CSMD1: variants seen among roughly 807,000 people sequenced by gnomAD.
CSMD1 encodes the protein CUB and sushi domain-containing protein 1.
Under a neutral mutation model 417.5 loss-of-function variants are expected in CSMD1, and 213 were observed. The observed-to-expected ratio is 0.51, with a 90% CI of 0.46 to 0.57. The LOEUF (loss-of-function observed/expected upper bound fraction) is 0.57, where lower values mean the gene tolerates loss of function less well. Ranked by LOEUF, CSMD1 falls within the 20% of genes least tolerant of loss-of-function variation. The probability of loss-of-function intolerance (pLI) is 0.00; values close to 1 mark genes in which losing one functional copy is unlikely to be tolerated. For missense variants in CSMD1, 6,923 were observed against 4,529.7 expected, an observed-to-expected ratio of 1.53 and a Z score of -15.17; for synonymous variants, 2,862 against 1,736.8, an observed-to-expected ratio of 1.65 and a Z score of -16.11.
chr8:4,461,973 C>A (rs1313091192), intron 2 of CSMD1, among the ~76,000 whole-genome samples: 2 of 151,974 alleles, frequency 1.3e-5, no homozygotes, highest in Admixed American at 1.3e-4. Flanking sequence ...TATCTCCCGA[C>A]CTCCTGATCC....
At chr8:4,015,817 T>G (rs902017363) in intron 4 of CSMD1, among the ~76,000 whole-genome samples, 2 of 152,180 alleles carry the variant, frequency 1.3e-5, no homozygotes, top group African/African-American at 4.8e-5. Context: ...CTTCATTCAC[T>G]AAGCAAGCGG....
chr8:4,924,385 A>G (rs983217112), intron 1 of CSMD1, among the ~76,000 whole-genome samples: 3 of 152,244 alleles, frequency 2.0e-5, no homozygotes, highest in African/African-American at 7.2e-5. Flanking sequence ...ATTAAAAACC[A>G]TCTATATGAT....
chr8:4,916,662 G>T (rs1043381177), intron 1 of CSMD1, among the ~76,000 whole-genome samples: 2 of 152,190 alleles, frequency 1.3e-5, no homozygotes, highest in Admixed American at 1.3e-4. Flanking sequence ...TACACAAAGA[G>T]TCTAGGCATT....
intron 1 of CSMD1, among the ~76,000 whole-genome samples, chr8:4,646,308 A>G (rs958803037): frequency 2.0e-5 from 3 of 152,176 alleles, no homozygotes; most frequent in Admixed American, 2.0e-4. Flanking sequence ...CCCAGTGATG[A>G]CACTTCATCT....
intron 3 of CSMD1, among the ~76,000 whole-genome samples, chr8:4,244,863 C>T (rs1249719118): frequency 6.6e-6 from 1 of 151,920 alleles, no homozygotes; most frequent in African/African-American, 2.4e-5. Context: ...TAACAAGATC[C>T]CCTAGGGATA....
At chr8:4,066,966 A>T (rs1488054528) in intron 3 of CSMD1, among the ~76,000 whole-genome samples, 2 of 152,252 alleles carry the variant, frequency 1.3e-5, no homozygotes, top group Non-Finnish European at 1.5e-5. Flanking sequence ...GGTGGAACCT[A>T]ATGAGTATAT....
chr8:3,438,784 A>T (rs1036558439), intron 12 of CSMD1, among the ~76,000 whole-genome samples: 14 of 152,026 alleles, frequency 9.2e-5, no homozygotes, highest in African/African-American at 3.4e-4. Flanking sequence ...TGGAAGTGCA[A>T]TTGTCGGGTC....
At chr8:4,219,811 A>G (rs896026566) in intron 3 of CSMD1, among the ~76,000 whole-genome samples, 7 of 152,214 alleles carry the variant, frequency 4.6e-5, no homozygotes, top group Non-Finnish European at 8.8e-5. Flanking sequence ...TGTCTTACTT[A>G]GTAGAGCTAA....
intron 20 of CSMD1, among the ~76,000 whole-genome samples, chr8:3,362,890 T>C (rs1809290731): frequency 6.6e-6 from 1 of 152,222 alleles, no homozygotes; most frequent in South Asian, 2.1e-4. Context: ...TTGTGTAACA[T>C]GTTCCTGTTG....
intron 26 of CSMD1, among the ~76,000 whole-genome samples, chr8:3,266,046 G>C (rs1008533258): frequency 6.6e-6 from 1 of 151,856 alleles, no homozygotes; most frequent in African/African-American, 2.4e-5. Flanking sequence ...GCTGGAAATA[G>C]AGAGCTTTGA....
At chr8:4,626,640 G>T (rs1365717972) in intron 2 of CSMD1, among the ~76,000 whole-genome samples, 2 of 152,050 alleles carry the variant, frequency 1.3e-5, no homozygotes, top group Admixed American at 6.6e-5. Flanking sequence ...AGGGCAGGGC[G>T]CCAGCTTGAT....
chr8:4,838,839 C>T (rs1023228053), intron 1 of CSMD1, among the ~76,000 whole-genome samples: 5 of 152,208 alleles, frequency 3.3e-5, no homozygotes, highest in African/African-American at 9.6e-5. Context: ...GAATGTGACA[C>T]TTCTTGTTTC....
intron 8 of CSMD1, among the ~76,000 whole-genome samples, chr8:3,593,832 C>G (rs970971532): frequency 1.3e-5 from 2 of 152,122 alleles, no homozygotes; most frequent in African/African-American, 4.8e-5. Context: ...TTCTCCCTAT[C>G]TCCCTCTCTC....
chr8:3,735,049 T>A (rs1165299346), intron 6 of CSMD1, among the ~76,000 whole-genome samples: 3 of 152,182 alleles, frequency 2.0e-5, no homozygotes, highest in Non-Finnish European at 2.9e-5. Context: ...ATAGGTGATA[T>A]GAATGTGGAC....
chr8:3,850,184 A>C (rs1014062961), intron 5 of CSMD1, among the ~76,000 whole-genome samples: 7 of 152,252 alleles, frequency 4.6e-5, no homozygotes, highest in African/African-American at 1.7e-4. Context: ...GTATAGGCAA[A>C]TTTTGAGACT....
chr8:4,448,213 T>C (rs905532853), intron 2 of CSMD1, among the ~76,000 whole-genome samples: 8 of 152,194 alleles, frequency 5.3e-5, no homozygotes, highest in African/African-American at 1.9e-4. Context: ...ACACTGAAAA[T>C]ATTTTTCATC....
chr8:4,786,122 G>A (rs1475649300), intron 1 of CSMD1, among the ~76,000 whole-genome samples: 1 of 152,048 alleles, frequency 6.6e-6, no homozygotes, highest in Non-Finnish European at 1.5e-5. Context: ...TAAATATCCT[G>A]TTTGCTTCTA....
intron 7 of CSMD1, among the ~76,000 whole-genome samples, chr8:3,701,394 GA>G (rs1800857667): frequency 6.6e-6 from 1 of 152,096 alleles, no homozygotes; most frequent in African/African-American, 2.4e-5. Context: ...CCCAGAGAGA[GA>G]ACAGTTGCGA....
intron 5 of CSMD1, among the ~76,000 whole-genome samples, chr8:3,868,099 G>A (rs1194032948): frequency 2.0e-5 from 3 of 151,966 alleles, no homozygotes; most frequent in African/African-American, 4.8e-5. Context: ...TTCCTTGCAT[G>A]CACAGTATTT....
Sources: gnomAD v4.1 joint callset for allele counts (sites outside exome capture counted in the v4.1 genomes callset) on GRCh38, gnomAD v4.1.1 for gene constraint, MANE v1.5 for transcripts, NCBI Gene and HGNC (gene_info 2026-07-23, HGNC 2026-07-21) for gene names.